Variants in GTF2IRD1 observed in about 807,000 individuals in gnomAD.
GTF2IRD1 encodes GTF2I repeat domain containing 1, also known as general transcription factor II-I repeat domain-containing protein 1.
In GTF2IRD1, 26 loss-of-function variants were observed where a neutral mutation model predicts 113.2. The observed-to-expected ratio is 0.23, with a 90% CI of 0.17 to 0.32. The LOEUF (loss-of-function observed/expected upper bound fraction) is 0.32. Among genes scored for constraint, GTF2IRD1 ranks in the 10% least tolerant of loss-of-function variants. The probability of loss-of-function intolerance (pLI) is 1.00; values close to 1 mark genes in which losing one functional copy is unlikely to be tolerated. For synonymous variants in GTF2IRD1, 484 were observed against 529.1 expected (o/e 0.91, Z 1.17); for missense variants, 864 against 1,280.8 (o/e 0.67, Z 4.97).
At position 74,521,205 on chromosome 7, in the gene GTF2IRD1, C is replaced by T; in HGVS notation, c.917-3C>T. On this transcript the variant is annotated splice_region_variant and splice_polypyrimidine_tract_variant and intron_variant, in intron 6 of 26. Transcript: ENST00000424337. ...AACCTTCTTCCTTCTCTCCCTTGTC[C>T]AGGACAGAAGCCCACTGGGCCTGGT... 3 of 1,575,196 alleles carry T rather than the reference C, an allele frequency of 1.9e-6. No individual in the cohort carries two copies. In the South Asian group the frequency reaches 3.3e-5, roughly 17 times the overall value.
At chr7:74,597,431 C>T (rs1273847393) in intron 25 of GTF2IRD1, among the ~76,000 whole-genome samples, 1 of 151,406 alleles carries the variant, frequency 6.6e-6, no homozygotes, top group Non-Finnish European at 1.5e-5. Flanking sequence ...CTGCAACCTC[C>T]GCCTCCTGAG....
At chr7:74,544,495 G>A (rs1469895157) in intron 14 of GTF2IRD1, among the ~76,000 whole-genome samples, 3 of 152,192 alleles carry the variant, frequency 2.0e-5, no homozygotes, top group Non-Finnish European at 4.4e-5. Flanking sequence ...CGAGGACTTT[G>A]TCTTGTTCCC....
intron 14 of GTF2IRD1, among the ~76,000 whole-genome samples, chr7:74,543,318 A>G (rs1554352282): frequency 6.6e-6 from 1 of 151,822 alleles, no homozygotes; most frequent in Non-Finnish European, 1.5e-5. Context: ...AGAAAAAAAA[A>G]GAAAAAGAAA....
At chr7:74,568,262 T>C (rs1387614997) in intron 22 of GTF2IRD1, among the ~76,000 whole-genome samples, 3 of 143,894 alleles carry the variant, frequency 2.1e-5, no homozygotes, top group Non-Finnish European at 3.0e-5. Flanking sequence ...TCCAGCACTT[T>C]GGGAGGCCGA....
At chr7:74,513,496 G>A (rs1485985027) in intron 3 of GTF2IRD1, among the ~76,000 whole-genome samples, 2 of 152,112 alleles carry the variant, frequency 1.3e-5, no homozygotes, top group Non-Finnish European at 2.9e-5. Flanking sequence ...GTAGAGACGG[G>A]GTTTCACCTT....
intron 22 of GTF2IRD1, among the ~76,000 whole-genome samples, chr7:74,577,077 G>A (rs587728503): frequency 2.0e-5 from 3 of 148,120 alleles, no homozygotes; most frequent in South Asian, 4.4e-4. Flanking sequence ...TTGCTCTGTC[G>A]CCCAGGCTGG....
chr7:74,551,355 TATAGGGTTTATAAATAAATA>T (rs587700763), intron 17 of GTF2IRD1, among the ~76,000 whole-genome samples: 39 of 151,874 alleles, frequency 2.6e-4, no homozygotes, highest in African/African-American at 9.4e-4. Context: ...AATAAATAAA[TATAGGGTTTATAAATAAATA>T]AAACACAAAG....
intron 1 of GTF2IRD1, among the ~76,000 whole-genome samples, chr7:74,485,397 C>T (rs1794963747): frequency 6.6e-6 from 1 of 152,096 alleles, no homozygotes; most frequent in Admixed American, 6.6e-5. Flanking sequence ...GCGGGCGGAT[C>T]ACGAGGTCAG....
intron 17 of GTF2IRD1, among the ~76,000 whole-genome samples, chr7:74,550,177 C>G (rs1799221423): frequency 6.6e-6 from 1 of 151,972 alleles, no homozygotes. Context: ...GCCTGGGGGA[C>G]AGTAACACTC....
intron 14 of GTF2IRD1, among the ~76,000 whole-genome samples, chr7:74,543,579 TATGAAACAGTTAA>T (rs1554352352): frequency 6.6e-6 from 1 of 152,150 alleles, no homozygotes; most frequent in African/African-American, 2.4e-5. Context: ...ACATATTTGA[TATGAAACAGTTAA>T]ATGATACAGA....
At chr7:74,467,220 A>G (rs1397061373) in intron 1 of GTF2IRD1, among the ~76,000 whole-genome samples, 1 of 151,952 alleles carries the variant, frequency 6.6e-6, no homozygotes, top group African/African-American at 2.4e-5. Flanking sequence ...AAATGCTGGG[A>G]TTACAGGGGT....
In GTF2IRD1 at chr7:74,523,966, C is replaced by T. The variant is rs587774600; in HGVS notation, c.1007-105C>T. 460 of 754,452 alleles carry T rather than the reference C, an allele frequency of 6.1e-4. 1 individual carries two copies. The African/African-American group carries it at 6.8e-3, about 11-fold the overall frequency. 46.7% of individuals were successfully genotyped at this position (754,452 alleles called of 1,614,324 possible). The stretch of plus-strand genomic sequence containing the variant: ...GGGTGGAAGGACTGGGGGCTGGGGC[C>T]GGCCTCGGGGGCTCTGGGGGTGAAA... On this transcript the variant is annotated intron_variant, in intron 7 of 26. Transcript: ENST00000424337.
chr7:74,529,494 C>T lies in GTF2IRD1; in HGVS notation c.1091-240C>T, dbSNP rs113673024. On this transcript the variant is annotated intron_variant, in intron 8 of 26. Transcript: ENST00000424337. ...TGGTCTTGAACTCCTGGGCTCAAGC[C>T]ATCTGTCCACCTCAGCCTCCCGGAG... Among the ~76,000 whole-genome samples, 39 of 152,100 alleles carry T rather than the reference C, an allele frequency of 2.6e-4. 1 individual carries two copies. The highest frequency in any genetic ancestry group is 8.4e-4 in the African/African-American group (35 of 41,498).
intron 1 of GTF2IRD1, among the ~76,000 whole-genome samples, chr7:74,485,077 C>G (rs1337647834): frequency 7.2e-5 from 11 of 152,142 alleles, no homozygotes; most frequent in African/African-American, 2.7e-4. Flanking sequence ...CATGCCACCT[C>G]CCGACACCTC....
chr7:74,522,272 T>C (rs1204125794), intron 7 of GTF2IRD1, among the ~76,000 whole-genome samples: 2 of 152,126 alleles, frequency 1.3e-5, no homozygotes, highest in African/African-American at 4.8e-5. Context: ...GACAGATTTT[T>C]AAAGTATCAC....
chr7:74,548,287 T>C (rs1799079142), intron 17 of GTF2IRD1, among the ~76,000 whole-genome samples: 1 of 151,686 alleles, frequency 6.6e-6, no homozygotes. Flanking sequence ...TCAGGCATGG[T>C]GGTGGGTGCC....
At chr7:74,542,222 C>T (rs1798675984) in intron 14 of GTF2IRD1, among the ~76,000 whole-genome samples, 1 of 151,906 alleles carries the variant, frequency 6.6e-6, no homozygotes, top group Non-Finnish European at 1.5e-5. Context: ...AGTGAAACCC[C>T]ATCTCTGCTA....
chr7:74,539,071 C>G (rs1262504324), intron 13 of GTF2IRD1, among the ~76,000 whole-genome samples: 3 of 152,164 alleles, frequency 2.0e-5, no homozygotes, highest in African/African-American at 7.2e-5. Flanking sequence ...TGACCCTACC[C>G]CCTGCCAAGC....
In GTF2IRD1 at chr7:74,538,163, C is replaced by G. The variant is rs1258969811; in HGVS notation, c.1437C>G (p.Asp479Glu). The G allele has an allele frequency of 1.4e-5, 22 of 1,612,426 alleles. No homozygotes were observed. The highest frequency in any genetic ancestry group is 1.9e-5 in the Non-Finnish European group (22 of 1,179,850). Residue 479 changes from aspartate (D) to glutamate (E), a missense_variant, in exon 12 of 27, where the codon GAC becomes GAG. Around this residue, in one of 7 missense-constraint regions of GTF2IRD1, gnomAD observed 218 missense variants for 352.6 expected, o/e 0.62. Coordinates refer to ENST00000424337, the MANE Select transcript of GTF2IRD1 (RefSeq NM_005685.4). ...CAGACAAGGGCAGCATGTCTGAAGA[C>G]TGTGGGCCAGGTGAGAAGGAACAGG... ...ARSDKGSMSE[D>E]CGPGTSGELG...
Sources: gnomAD v4.1 joint callset for allele counts (sites outside exome capture counted in the v4.1 genomes callset) on GRCh38, gnomAD v4.1.1 for gene constraint, gnomAD v4.1.1 regional missense constraint, MANE v1.5 for transcripts, NCBI Gene and HGNC (gene_info 2026-07-23, HGNC 2026-07-21) for gene names.